The following ACOXL variants were observed in gnomAD, a reference collection of about 807,000 sequenced individuals.
ACOXL encodes acyl-CoA oxidase like, also known as acyl-coenzyme A oxidase-like protein.
In ACOXL, 70 loss-of-function variants were observed where a neutral mutation model predicts 71.9. The observed-to-expected ratio is 0.97, with a 90% CI of 0.80 to 1.19. ACOXL has a LOEUF of 1.19. ACOXL is among the 50% of genes most tolerant of loss of function. ACOXL has a pLI of 0.00. For synonymous variants in ACOXL, 253 were observed against 281.6 expected (o/e 0.90, Z 1.02); for missense variants, 703 against 736.3 (o/e 0.95, Z 0.52).
At chr2:110,939,803 C>T (rs1430990570) in intron 12 of ACOXL, among the ~76,000 whole-genome samples, 1 of 152,158 alleles carries the variant, frequency 6.6e-6, no homozygotes, top group Non-Finnish European at 1.5e-5. Context: ...AAAATTAGCT[C>T]ATCAGCTATC....
chr2:110,869,500 G>A (rs1050644776), intron 10 of ACOXL, among the ~76,000 whole-genome samples: 7 of 152,166 alleles, frequency 4.6e-5, no homozygotes, highest in African/African-American at 1.7e-4. Flanking sequence ...GAGCTTCCTG[G>A]CGGGGATGTA....
chr2:110,888,792 G>A (rs1697615804), intron 10 of ACOXL, among the ~76,000 whole-genome samples: 1 of 152,156 alleles, frequency 6.6e-6, no homozygotes, highest in South Asian at 2.1e-4. Context: ...GTACTTTTGT[G>A]GTTTGCTTAG....
chr2:110,749,162 A>T (rs575916861), intron 1 of ACOXL, among the ~76,000 whole-genome samples: 2 of 152,212 alleles, frequency 1.3e-5, no homozygotes, highest in Admixed American at 6.5e-5. Context: ...CACTAGATCA[A>T]AATTGATTTT....
chr2:110,851,590 T>C (rs1692605130), intron 10 of ACOXL, among the ~76,000 whole-genome samples: 1 of 152,174 alleles, frequency 6.6e-6, no homozygotes, highest in Non-Finnish European at 1.5e-5. Flanking sequence ...CCCTAGACTG[T>C]GTGGTGCTTC....
chr2:110,857,927 T>C (rs1693463467), intron 10 of ACOXL, among the ~76,000 whole-genome samples: 2 of 152,178 alleles, frequency 1.3e-5, no homozygotes, highest in Non-Finnish European at 2.9e-5. Context: ...GATTTTGCCA[T>C]GTTGCCCAGG....
chr2:110,817,408 G>A (rs1688043647), intron 9 of ACOXL, among the ~76,000 whole-genome samples: 1 of 152,178 alleles, frequency 6.6e-6, no homozygotes. Context: ...ATTACGGAAT[G>A]ACTTGAGGGT....
chr2:110,985,565 C>T (rs1056138234), intron 12 of ACOXL, among the ~76,000 whole-genome samples: 3 of 152,160 alleles, frequency 2.0e-5, no homozygotes, highest in Non-Finnish European at 4.4e-5. Context: ...GTGTCAGCCT[C>T]GAATGCAGAT....
At chr2:110,871,146 TAGG>T (rs1264679131) in intron 10 of ACOXL, among the ~76,000 whole-genome samples, 18 of 152,312 alleles carry the variant, frequency 1.2e-4, no homozygotes, top group Admixed American at 9.8e-4. Context: ...TGTCATTTGA[TAGG>T]AGACGTTTTG....
At chr2:111,090,859 A>G (rs778483228) in intron 16 of ACOXL, among the ~76,000 whole-genome samples, 2 of 152,010 alleles carry the variant, frequency 1.3e-5, no homozygotes, top group Non-Finnish European at 2.9e-5. Context: ...ACTCTTCTCT[A>G]CCCTGTGTGG....
At chr2:110,858,198 A>G (rs932889340) in intron 10 of ACOXL, among the ~76,000 whole-genome samples, 28 of 152,346 alleles carry the variant, frequency 1.8e-4, no homozygotes, top group African/African-American at 6.3e-4. Context: ...GCAAAAGACA[A>G]AATTCCCTGA....
intron 12 of ACOXL, chr2:110,968,383 G>C: frequency 8.7e-7 from 1 of 1,155,740 alleles, no homozygotes; most frequent in Non-Finnish European, 1.3e-6. Flanking sequence ...CCCTGGTTAT[G>C]ATTCTGAAAG....
At chr2:110,798,233 G>C (rs1215885820) in intron 5 of ACOXL, among the ~76,000 whole-genome samples, 1 of 151,322 alleles carries the variant, frequency 6.6e-6, no homozygotes, top group Non-Finnish European at 1.5e-5. Context: ...GCACTGTGTG[G>C]TTCTGTTTTT....
intron 16 of ACOXL, among the ~76,000 whole-genome samples, chr2:111,054,029 T>C (rs1343115297): frequency 2.0e-5 from 3 of 152,088 alleles, no homozygotes; most frequent in Non-Finnish European, 2.9e-5. Context: ...CCTGCTCTAG[T>C]GATGTTGAGT....
At chr2:110,873,933 G>A (rs1695577911) in intron 10 of ACOXL, among the ~76,000 whole-genome samples, 1 of 152,220 alleles carries the variant, frequency 6.6e-6, no homozygotes, top group African/African-American at 2.4e-5. Context: ...GCACAGGGTA[G>A]CTCTGTGGTC....
At chr2:110,856,508 T>C (rs1425979188) in intron 10 of ACOXL, among the ~76,000 whole-genome samples, 1 of 152,172 alleles carries the variant, frequency 6.6e-6, no homozygotes, top group African/African-American at 2.4e-5. Flanking sequence ...AAGTGAAAGT[T>C]CTCGACTTCA....
rs763555423 is a variant in ACOXL at position 110,798,710 on chromosome 2, A to G, written c.446A>G (p.Asp149Gly). Residue 149 changes from aspartate (D) to glycine (G), a missense_variant, in exon 6 of 18, where the codon GAT becomes GGT. Transcript: ENST00000439055. ...YAAVFAQLII[D>G]GRSQGPHCFI... Reference sequence around the variant, plus strand: ...GCTGTCTTTGCCCAGCTCATCATAGATGGAAGATCTCAAGGTTTGTTACCA... The same window carrying G: ...GCTGTCTTTGCCCAGCTCATCATAGGTGGAAGATCTCAAGGTTTGTTACCA... 3.1e-6 allele frequency: 5 copies of G among 1,614,004 alleles called. No individual in the cohort carries two copies. In the East Asian group the frequency reaches 8.9e-5, roughly 29 times the overall value.
chr2:110,941,303 TGCA>T (rs2060859675), intron 12 of ACOXL, among the ~76,000 whole-genome samples: 1 of 152,192 alleles, frequency 6.6e-6, no homozygotes, highest in Non-Finnish European at 1.5e-5. Context: ...CTGATCAAGA[TGCA>T]GCAACAGGCA....
chr2:111,004,898 C>T (rs142496544), intron 14 of ACOXL, among the ~76,000 whole-genome samples: 6 of 152,092 alleles, frequency 3.9e-5, no homozygotes, highest in African/African-American at 9.6e-5. Flanking sequence ...TACAGTGGCC[C>T]GAATGGCAGA....
At chr2:111,041,635 A>G (rs1361005289) in intron 15 of ACOXL, among the ~76,000 whole-genome samples, 1 of 152,164 alleles carries the variant, frequency 6.6e-6, no homozygotes. Flanking sequence ...CTAAGACTGG[A>G]GCAGGCCCCA....
Sources: allele counts gnomAD v4.1 joint callset (sites outside exome capture counted in the v4.1 genomes callset), GRCh38; gene constraint gnomAD v4.1.1; transcripts MANE v1.5; gene names NCBI Gene and HGNC (gene_info 2026-07-23, HGNC 2026-07-21).